The following PTP4A3 variants were observed in gnomAD, a reference collection of about 807,000 sequenced individuals.
PTP4A3 encodes the protein protein tyrosine phosphatase type IVA 3.
A neutral mutation model predicts 15.2 loss-of-function variants in PTP4A3; 9 were observed. The ratio of observed to expected loss-of-function variants is 0.59; its 90% CI spans 0.36 to 1.03. PTP4A3 has a LOEUF of 1.03. PTP4A3 is among the 50% of genes least tolerant of loss of function. The pLI, the probability that PTP4A3 is intolerant of heterozygous loss-of-function variation, is 0.02. For missense variants in PTP4A3, 234 were observed against 252.1 expected (o/e 0.93, Z 0.49); for synonymous variants, 95 against 102.0 (o/e 0.93, Z 0.41).
At position 141,430,916 on chromosome 8, in the gene PTP4A3, C is replaced by G. The variant is rs148820285; in HGVS notation, c.405-11C>G. On this transcript the variant is annotated splice_polypyrimidine_tract_variant and intron_variant, in intron 5 of 5. Transcript: ENST00000521578. ...CTTGGATGATCTCTGTTCCTGTTCC[C>G]CTCTTCCCAGGAAGCGCCGCGGAGC... The G allele has an allele frequency of 7.5e-5, 121 of 1,612,444 alleles. No homozygotes were observed. The African/African-American group carries it at 1.6e-3, about 21-fold the overall frequency.
At chr8:141,422,657 CAGGCTGTGCGTGCTCAGCCGTGGCCT>C (rs1833390850) in intron 2 of PTP4A3, among the ~76,000 whole-genome samples, 1 of 152,182 alleles carries the variant, frequency 6.6e-6, no homozygotes, top group Admixed American at 6.5e-5. Flanking sequence ...ATACATGGAC[CAGGCTGTGCGTGCTCAGCCGTGGCCT>C]GGGCTGGGGC....
rs112354176 is a variant in PTP4A3 at position 141,427,083 on chromosome 8, C to T, written c.329+14C>T. On this transcript the variant is annotated intron_variant, in intron 4 of 5. Transcript: ENST00000521578. Reference sequence around the variant, plus strand: ...GGGCCTGGGCCGGTGAGTGTCGGGGCGGGGTAGGGCTCGCCATGTCAGGTG... The same window carrying T: ...GGGCCTGGGCCGGTGAGTGTCGGGGTGGGGTAGGGCTCGCCATGTCAGGTG... The T allele has an allele frequency of 5.7e-5, 90 of 1,591,476 alleles. No individual in the cohort carries two copies. The African/African-American group carries it at 8.0e-4, about 14-fold the overall frequency.
At chr8:141,396,800 G>A (rs560843164) in intron 1 of PTP4A3, among the ~76,000 whole-genome samples, 2 of 152,164 alleles carry the variant, frequency 1.3e-5, no homozygotes, top group South Asian at 2.1e-4. Context: ...ACAAGACCAC[G>A]CATAACCCGA....
intron 5 of PTP4A3, among the ~76,000 whole-genome samples, chr8:141,428,398 T>G (rs1223185100): frequency 6.6e-6 from 1 of 150,644 alleles, no homozygotes; most frequent in Non-Finnish European, 1.5e-5. Flanking sequence ...GCCCAGGGGG[T>G]CCTGGGGGAG....
chr8:141,428,054 G>A (rs1440624034), intron 5 of PTP4A3, among the ~76,000 whole-genome samples: 5 of 152,190 alleles, frequency 3.3e-5, no homozygotes, highest in Middle Eastern at 6.8e-3. Context: ...GAGGCCACCC[G>A]CCACGCCGTC....
chr8:141,397,306 C>A (rs529797476), intron 1 of PTP4A3, among the ~76,000 whole-genome samples: 1 of 152,310 alleles, frequency 6.6e-6, no homozygotes, highest in South Asian at 2.1e-4. Flanking sequence ...TTCATGAGGT[C>A]ACACAGGCTC....
In PTP4A3 at chr8:141,426,909, G is replaced by A. The variant is rs200349663; in HGVS notation, c.199-30G>A. 206 of 1,603,326 alleles carry A rather than the reference G, an allele frequency of 1.3e-4. No individual in the cohort carries two copies. The African/African-American group carries it at 1.9e-3, about 15-fold the overall frequency. ...GCCGCCTCTCTACCCTCCCTCAGCC[G>A]GGGGTCCTCATGTCTGCTTCCCTCC... On this transcript the variant is annotated intron_variant, in intron 3 of 5. Transcript: ENST00000521578.
At chr8:141,426,703 C>T in intron 3 of PTP4A3, 2 of 978,846 alleles carry the variant, frequency 2.0e-6, no homozygotes, top group Non-Finnish European at 2.4e-6. Context: ...AGGAAGGCTT[C>T]CTGGAGGAGG....
intron 1 of PTP4A3, among the ~76,000 whole-genome samples, chr8:141,403,837 C>T (rs550752628): frequency 9.8e-5 from 15 of 152,384 alleles, no homozygotes; most frequent in Middle Eastern, 3.4e-3. Flanking sequence ...ACAAACGTGG[C>T]GGCTTCCTGT....
intron 1 of PTP4A3, among the ~76,000 whole-genome samples, chr8:141,408,748 T>A (rs936524980): frequency 1.3e-5 from 2 of 151,856 alleles, no homozygotes; most frequent in African/African-American, 2.4e-5. Context: ...TAAAATAGGG[T>A]GAAAGTGTCG....
At chr8:141,410,673 C>T (rs1323623653) in intron 1 of PTP4A3, among the ~76,000 whole-genome samples, 1 of 152,174 alleles carries the variant, frequency 6.6e-6, no homozygotes, top group Non-Finnish European at 1.5e-5. Flanking sequence ...CACACTGAGG[C>T]ACAGAGGACA....
chr8:141,404,390 G>A (rs1444965050), intron 1 of PTP4A3, among the ~76,000 whole-genome samples: 1 of 152,232 alleles, frequency 6.6e-6, no homozygotes, highest in Admixed American at 6.5e-5. Flanking sequence ...AGGATTGGAG[G>A]GTCCATTGGG....
At position 141,425,604 on chromosome 8, in the gene PTP4A3, G is replaced by C. The variant is rs1409458603; in HGVS notation, c.198+464G>C. Among the ~76,000 whole-genome samples, 1 of 146,152 alleles carries C rather than the reference G, an allele frequency of 6.8e-6. No individual in the cohort carries two copies. Among genetic ancestry groups the C allele is most frequent in the Non-Finnish European group, 1.5e-5 (1 of 65,972 alleles). ...CCCAGGTCTGGGCGGGGGGTGGGGC[G>C]GTTCTGCTGCGATATCCTTGGGGGG... On this transcript the variant is annotated intron_variant, in intron 3 of 5. Coordinates refer to ENST00000521578, the MANE Select transcript of PTP4A3 (RefSeq NM_032611.3). The surrounding 1 kb of genome is among the most constrained non-coding windows in gnomAD (Gnocchi z 4.2).
intron 1 of PTP4A3, among the ~76,000 whole-genome samples, chr8:141,418,187 C>T (rs1024463835): frequency 6.6e-6 from 1 of 152,142 alleles, no homozygotes; most frequent in Non-Finnish European, 1.5e-5. Flanking sequence ...CCGGGACTCC[C>T]CAGAGCGCCC....
intron 1 of PTP4A3, among the ~76,000 whole-genome samples, chr8:141,400,014 T>C (rs1832548053): frequency 6.6e-6 from 1 of 152,190 alleles, no homozygotes; most frequent in South Asian, 2.1e-4. Context: ...CACAAGCGAT[T>C]CTCCTGACTC....
At chr8:141,402,609 G>C (rs975467206) in intron 1 of PTP4A3, among the ~76,000 whole-genome samples, 1 of 152,130 alleles carries the variant, frequency 6.6e-6, no homozygotes, top group Non-Finnish European at 1.5e-5. Flanking sequence ...TGGGTGGAGT[G>C]GGGGCAGGCA....
chr8:141,432,114 G>A lies in PTP4A3; in HGVS notation c.*1070G>A, dbSNP rs2130421983. On this transcript the variant is annotated 3_prime_UTR_variant, in exon 6 of 6. Coordinates refer to ENST00000521578, the MANE Select transcript of PTP4A3 (RefSeq NM_032611.3). ...GCCCCACCCTGGGCCGGGGTGCATG[G>A]AGGGCATGGCCCCAGCGGGGAGGAA... 6.5e-6 allele frequency: 1 copy of A among 152,710 alleles called. No homozygotes were observed. Among genetic ancestry groups the A allele is most frequent in the East Asian group, 1.9e-4 (1 of 5,182 alleles). 9.5% of individuals were successfully genotyped at this position (152,710 alleles called of 1,614,324 possible). A position where few individuals can be genotyped will look rare whatever the true frequency, so the allele number is the denominator to read the frequency against.
chr8:141,422,137 A>C lies in PTP4A3; in HGVS notation c.-104A>C. ...TCGTTTCTCTTGGACAAGCACAGGGATCTCGTTCTCCTCATTTTTTGGGGG... is the reference window on the plus strand; with the variant it reads ...TCGTTTCTCTTGGACAAGCACAGGGCTCTCGTTCTCCTCATTTTTTGGGGG... On this transcript the variant is annotated 5_prime_UTR_variant, in exon 2 of 6. Transcript: ENST00000521578. The C allele has an allele frequency of 1.9e-6, 2 of 1,056,834 alleles. No homozygotes were observed. The highest frequency in any genetic ancestry group is 1.4e-6 in the Non-Finnish European group (1 of 694,372). The allele number at this position is 1,056,834 out of a possible 1,614,324, so 65.5% of individuals were successfully genotyped here.
rs141617897 is a variant in PTP4A3 at position 141,424,482 on chromosome 8, C to G, written c.106-566C>G. Among the ~76,000 whole-genome samples, 802 of 152,252 alleles carry G rather than the reference C, an allele frequency of 5.3e-3. 16 individuals are homozygous for G. In the East Asian group the frequency reaches 0.066, roughly 13 times the overall value. On this transcript the variant is annotated intron_variant, in intron 2 of 5. Transcript: ENST00000521578. ...GCCCGCCCCTCTTAGACCCTAAAAACTGGACCCATCCCTGCGGCTCAGCTG... is the reference window on the plus strand; with the variant it reads ...GCCCGCCCCTCTTAGACCCTAAAAAGTGGACCCATCCCTGCGGCTCAGCTG...
Sources: gnomAD v4.1 joint callset for allele counts (sites outside exome capture counted in the v4.1 genomes callset) on GRCh38, gnomAD v4.1.1 for gene constraint, Gnocchi (gnomAD v3.1) non-coding constraint, MANE v1.5 for transcripts, NCBI Gene and HGNC (gene_info 2026-07-23, HGNC 2026-07-21) for gene names.